The following LRFN3 variants were observed in gnomAD, a reference collection of about 807,000 sequenced individuals.
LRFN3 encodes the protein leucine-rich repeat and fibronectin type-III domain-containing protein 3.
In LRFN3, 8 loss-of-function variants were observed where a neutral mutation model predicts 23.8. The ratio of observed to expected loss-of-function variants is 0.34; its 90% CI spans 0.20 to 0.61. The LOEUF (loss-of-function observed/expected upper bound fraction) is 0.61. Ranked by LOEUF, LRFN3 falls within the 20% of genes least tolerant of loss-of-function variation. The pLI, the probability that LRFN3 is intolerant of heterozygous loss-of-function variation, is 0.80. For synonymous variants in LRFN3, 451 were observed against 450.6 expected (o/e 1.00, Z -0.01); for missense variants, 736 against 935.3 (o/e 0.79, Z 2.78).
intron 2 of LRFN3, among the ~76,000 whole-genome samples, chr19:35,942,157 C>G (rs886116267): frequency 1.3e-5 from 2 of 152,234 alleles, no homozygotes; most frequent in Admixed American, 1.3e-4. Context: ...GCTAGGATTA[C>G]AGGCCTGAGC....
chr19:35,944,257 A>G lies in LRFN3; in HGVS notation c.1416-291A>G, dbSNP rs191295075. 2.4e-4 allele frequency among the ~76,000 whole-genome samples: 36 copies of G among 152,298 alleles called. No homozygotes were observed. Among genetic ancestry groups the G allele is most frequent in the African/African-American group, 8.2e-4 (34 of 41,582 alleles). ...GGAAGAACTCACGTGGTGAGCTGTT[A>G]GAGAAATTGGGTGGTGGGACTAGAG... is the stretch of plus-strand genomic sequence containing the variant. On this transcript the variant is annotated intron_variant, in intron 2 of 2. Coordinates refer to ENST00000246529, the MANE Select transcript of LRFN3 (RefSeq NM_024509.2). This position sits in a 1 kb window ranked among gnomAD's most constrained non-coding sequence, Gnocchi z 4.5.
chr19:35,940,959 C>T, intron 2 of LRFN3, 119 bp downstream of exon 2: 1 of 1,321,768 alleles, frequency 7.6e-7, no homozygotes, highest in Non-Finnish European at 9.7e-7. Flanking sequence ...TGGAAGGTTC[C>T]AAAAGAAATC....
At position 35,946,587 on chromosome 19, in the gene LRFN3, T is replaced by G. The variant is rs2145305161; in HGVS notation, c.*1568T>G. ...GCAATTCAGACCCAAGAAACTCTTG[T>G]GTTCAATGATATAAATAAAGGCTGC... On this transcript the variant is annotated 3_prime_UTR_variant, in exon 3 of 3. Coordinates refer to ENST00000246529, the MANE Select transcript of LRFN3 (RefSeq NM_024509.2). Among the ~76,000 whole-genome samples the G allele has an allele frequency of 6.6e-6, 1 of 152,156 alleles. No homozygotes were observed. The highest frequency in any genetic ancestry group is 6.5e-5 in the Admixed American group (1 of 15,278).
intron 2 of LRFN3, among the ~76,000 whole-genome samples, chr19:35,942,961 G>A (rs909974035): frequency 4.0e-5 from 6 of 151,860 alleles, no homozygotes; most frequent in Non-Finnish European, 7.4e-5. Flanking sequence ...CCTGGGAGGC[G>A]GAGGTTGCAG....
chr19:35,943,458 G>A (rs964529265), intron 2 of LRFN3, among the ~76,000 whole-genome samples: 2 of 152,294 alleles, frequency 1.3e-5, no homozygotes, highest in Admixed American at 1.3e-4. Flanking sequence ...AATAGGGCTA[G>A]GGGGACATTT....
Position 35,940,438 on chromosome 19 carries a change from G to T in LRFN3, c.1013G>T (p.Gly338Val). The T allele has an allele frequency of 6.2e-7, 1 of 1,600,784 alleles. No individual in the cohort carries two copies. The highest frequency in any genetic ancestry group is 8.5e-7 in the Non-Finnish European group (1 of 1,177,468). ...GTGTCACCCCAGGGCCGGCTGCTAGGCAACTCAAGCCGTGCCCGCGCCTTC... is the reference window on the plus strand; with the variant it reads ...GTGTCACCCCAGGGCCGGCTGCTAGTCAACTCAAGCCGTGCCCGCGCCTTC... ...RWVSPQGRLL[G>V]NSSRARAFPN... The change falls in exon 2 of 3, where the codon GGC becomes GTC. Residue 338 changes from glycine (G) to valine (V), a missense_variant. Around this residue, in one of 2 missense-constraint regions of LRFN3, gnomAD observed 446 missense variants for 647.9 expected, o/e 0.69. Transcript: ENST00000246529.
At position 35,940,358 on chromosome 19, in the gene LRFN3, G is replaced by A; in HGVS notation, c.933G>A (p.Arg311=). 2 of 1,570,968 alleles carry A rather than the reference G, an allele frequency of 1.3e-6. No individual in the cohort carries two copies. Among genetic ancestry groups the A allele is most frequent in the Non-Finnish European group, 1.7e-6 (2 of 1,163,932 alleles). The change falls in exon 2 of 3, where the codon CGG becomes CGA. Residue 311 remains arginine, a synonymous_variant. Transcript: ENST00000246529. ...RSPPLAVPAG[R]PAALRCRAVG... ...CACCTCTGGCTGTGCCCGCAGGTCG[G>A]CCGGCTGCCCTGCGCTGCCGGGCAG...
intron 1 of LRFN3, among the ~76,000 whole-genome samples, chr19:35,937,920 C>T (rs376988110): frequency 6.6e-6 from 1 of 152,236 alleles, no homozygotes; most frequent in African/African-American, 2.4e-5. Context: ...CTTTTTCTCT[C>T]TCTGATCATC....
rs554114411 is a variant in LRFN3, at chr19:35,944,211, A to G, written c.1416-337A>G. Among the ~76,000 whole-genome samples, 1 of 152,148 alleles carries G rather than the reference A, an allele frequency of 6.6e-6. No individual in the cohort carries two copies. The highest frequency in any genetic ancestry group is 1.5e-5 in the Non-Finnish European group (1 of 68,032). Reference sequence around the variant, plus strand: ...TCTATAAGAAAACAGAAAGAAAGAAAGAAAAGAAACAGGATGGATTGGAAG... The same window carrying G: ...TCTATAAGAAAACAGAAAGAAAGAAGGAAAAGAAACAGGATGGATTGGAAG... On this transcript the variant is annotated intron_variant, in intron 2 of 2. Transcript: ENST00000246529. This position sits in a 1 kb window ranked among gnomAD's most constrained non-coding sequence, Gnocchi z 4.5.
rs1249241367 is a variant in LRFN3 at position 35,945,126 on chromosome 19, C to T, written c.*107C>T. 11 of 644,702 alleles carry T rather than the reference C, an allele frequency of 1.7e-5. No individual in the cohort carries two copies. Among genetic ancestry groups the T allele is most frequent in the Non-Finnish European group, 2.4e-5 (10 of 421,008 alleles). The allele number at this position is 644,702 out of a possible 1,614,324, so 39.9% of individuals were successfully genotyped here. ...ACCAAATCGCTCATGGTTTTTAAAA[C>T]TCTGATGGGGAGGGTGTCGGGGACA... On this transcript the variant is annotated 3_prime_UTR_variant, in exon 3 of 3. Transcript: ENST00000246529.
intron 2 of LRFN3, among the ~76,000 whole-genome samples, chr19:35,942,555 G>T (rs539850251): frequency 8.5e-5 from 13 of 152,216 alleles, no homozygotes; most frequent in Non-Finnish European, 1.8e-4. Context: ...GACCTCCCCA[G>T]GGTTGAGGAC....
rs368952403 is a variant in LRFN3 at position 35,939,601 on chromosome 19, G to A, written c.176G>A (p.Arg59His). The A allele has an allele frequency of 4.4e-5, 70 of 1,608,820 alleles. No individual in the cohort carries two copies. The highest frequency in any genetic ancestry group is 1.3e-4 in the Admixed American group (8 of 59,954). The change falls in exon 2 of 3, where the codon CGC becomes CAC. Residue 59 changes from arginine to histidine, a missense_variant. Arg to His is a conservative substitution (Grantham distance 29). Around this residue, in one of 2 missense-constraint regions of LRFN3, gnomAD observed 446 missense variants for 647.9 expected, o/e 0.69. Coordinates refer to ENST00000246529, the MANE Select transcript of LRFN3 (RefSeq NM_024509.2). The surrounding 1 kb of genome is among the most constrained non-coding windows in gnomAD (Gnocchi z 6.4). ...GLLFVPPSLD[R>H]RAAELRLADN... ...CTGTTCGTGCCACCCTCGCTGGACC[G>A]CCGGGCAGCCGAGCTGCGGCTGGCA...
rs1401176204 is a variant in LRFN3, at chr19:35,944,349, TGG to T, written c.1416-198_1416-197del. ...GCTAGAGTGAAATTGGCCAACAGAC[TGG>T]AGGGGTATCAGTCAGGTGGCTGAAT... On this transcript the variant is annotated intron_variant, in intron 2 of 2. Coordinates refer to ENST00000246529, the MANE Select transcript of LRFN3 (RefSeq NM_024509.2). This position sits in a 1 kb window ranked among gnomAD's most constrained non-coding sequence, Gnocchi z 4.5. 6.6e-6 allele frequency among the ~76,000 whole-genome samples: 1 copy of T among 152,098 alleles called. No individual in the cohort carries two copies. Among genetic ancestry groups the T allele is most frequent in the African/African-American group, 2.4e-5 (1 of 41,396 alleles).
Position 35,940,696 on chromosome 19 carries a change from G to A in LRFN3, c.1271G>A (p.Gly424Glu), listed in dbSNP as rs955859370. 6.2e-7 allele frequency: 1 copy of A among 1,613,398 alleles called. No homozygotes were observed. Among genetic ancestry groups the A allele is most frequent in the Non-Finnish European group, 8.5e-7 (1 of 1,179,892 alleles). Residue 424 changes from glycine (G) to glutamate (E), a missense_variant, in exon 2 of 3, where the codon GGG (glycine) becomes GAG (glutamate). This residue lies in a region of LRFN3 where 446 missense variants were observed against 647.9 expected (regional missense o/e 0.69). Coordinates refer to ENST00000246529, the MANE Select transcript of LRFN3 (RefSeq NM_024509.2). ...GCTTCTGCCAAGGTGGCCGACACTG[G>A]GCCCCCTACCGACCGTGGCGTCCAG... ...ASASAKVADT[G>E]PPTDRGVQVT... is the part of the protein sequence containing the mutation.
chr19:35,943,059 T>C (rs1599653894), intron 2 of LRFN3, among the ~76,000 whole-genome samples: 1 of 149,478 alleles, frequency 6.7e-6, no homozygotes, highest in Non-Finnish European at 1.5e-5. Context: ...ACACAAGTCC[T>C]GGCCACCTTG....
In LRFN3 at chr19:35,944,522, C is replaced by T; in HGVS notation, c.1416-26C>T. ...GGTTGGGGGCTGGGCAGCCTGAGAC[C>T]TGACCCCCACCTGCCTGCCCTGCAG... On this transcript the variant is annotated intron_variant, in intron 2 of 2. Transcript: ENST00000246529. The surrounding 1 kb of genome is among the most constrained non-coding windows in gnomAD (Gnocchi z 4.5). 1.4e-6 allele frequency: 2 copies of T among 1,405,940 alleles called. No individual in the cohort carries two copies. The highest frequency in any genetic ancestry group is 1.8e-6 in the Non-Finnish European group (2 of 1,082,176). 87.1% of individuals were successfully genotyped at this position (1,405,940 alleles called of 1,614,324 possible). A position where few individuals can be genotyped will look rare whatever the true frequency, so the allele number is the denominator to read the frequency against.
At chr19:35,943,221 A>G (rs1396172120) in intron 2 of LRFN3, among the ~76,000 whole-genome samples, 1 of 152,146 alleles carries the variant, frequency 6.6e-6, no homozygotes, top group Non-Finnish European at 1.5e-5. Context: ...AAAAGAAACT[A>G]TAGTGAAATT....
chr19:35,945,339 C>T lies in LRFN3; in HGVS notation c.*320C>T, dbSNP rs1233343229. The T allele has an allele frequency of 1.1e-5, 3 of 281,154 alleles. No individual in the cohort carries two copies. The highest frequency in any genetic ancestry group is 2.0e-5 in the Non-Finnish European group (3 of 151,818). 17.4% of individuals were successfully genotyped at this position (281,154 alleles called of 1,614,324 possible). A position where few individuals can be genotyped will look rare whatever the true frequency, so the allele number is the denominator to read the frequency against. ...AGGAGGCTGAGGATGGCGATCCATT[C>T]AGACAATAGATGTTCCCTGCGTGTC... On this transcript the variant is annotated 3_prime_UTR_variant, in exon 3 of 3. Transcript: ENST00000246529.
rs745408235 is a variant in LRFN3 at position 35,944,930 on chromosome 19, G to T, written c.1798G>T (p.Ala600Ser). The change falls in exon 3 of 3, where the codon GCC (alanine) becomes TCC (serine). Residue 600 changes from alanine (A) to serine (S), a missense_variant. Ala to Ser is a moderately conservative substitution (Grantham distance 99, BLOSUM62 1). This residue lies in a region of LRFN3 where 290 missense variants were observed against 287.4 expected (regional missense o/e 1.01). Transcript: ENST00000246529. This position sits in a 1 kb window ranked among gnomAD's most constrained non-coding sequence, Gnocchi z 4.5. ...LGPTPTPAPPAPEPAALRAHT... is the reference protein window; with the variant it reads ...LGPTPTPAPPSPEPAALRAHT... ...CCCCACGCCCACGCCCGCCCCGCCCGCCCCGGAGCCCGCGGCGCTCAGGGC... is the reference window on the plus strand; with the variant it reads ...CCCCACGCCCACGCCCGCCCCGCCCTCCCCGGAGCCCGCGGCGCTCAGGGC... 5.9e-6 allele frequency: 9 copies of T among 1,520,400 alleles called. No individual in the cohort carries two copies. The highest frequency in any genetic ancestry group is 5.2e-6 in the Non-Finnish European group (6 of 1,143,706). The allele number at this position is 1,520,400 out of a possible 1,614,324, so 94.2% of individuals were successfully genotyped here.
Sources: allele counts gnomAD v4.1 joint callset (sites outside exome capture counted in the v4.1 genomes callset), GRCh38; gene constraint gnomAD v4.1.1; regional missense constraint gnomAD v4.1.1; non-coding constraint Gnocchi (gnomAD v3.1); transcripts MANE v1.5; gene names NCBI Gene and HGNC (gene_info 2026-07-23, HGNC 2026-07-21).